The following FBLN7 variants were observed in gnomAD, a reference collection of about 807,000 sequenced individuals.
FBLN7 encodes the protein fibulin-7.
In FBLN7, 31 loss-of-function variants were observed where a neutral mutation model predicts 44.0. The ratio of observed to expected loss-of-function variants is 0.70; its 90% CI spans 0.53 to 0.95. FBLN7 has a LOEUF of 0.95. Among genes scored for constraint, FBLN7 ranks in the 40% least tolerant of loss-of-function variants. The pLI is 0.00. For synonymous variants in FBLN7, 262 were observed against 253.4 expected (o/e 1.03, Z -0.32); for missense variants, 573 against 618.5 (o/e 0.93, Z 0.78).
chr2:112,205,095 A>C, the FBLN7 span, among the ~76,000 whole-genome samples: 2 of 152,172 alleles, frequency 1.3e-5, no homozygotes, highest in East Asian at 3.8e-4. Context: ...ACTGTCTACT[A>C]TAGAAATTAA....
intron 1 of FBLN7, among the ~76,000 whole-genome samples, chr2:112,150,154 T>A (rs1488571166): frequency 6.6e-6 from 1 of 152,164 alleles, no homozygotes; most frequent in Non-Finnish European, 1.5e-5. Flanking sequence ...CCTCTGGACC[T>A]TAGATGGAAG....
At chr2:112,156,032 G>A (rs573290942) in intron 1 of FBLN7, among the ~76,000 whole-genome samples, 25 of 152,344 alleles carry the variant, frequency 1.6e-4, no homozygotes, top group African/African-American at 6.0e-4. Context: ...TGGCCAGCTC[G>A]TAGCGCAGGA....
chr2:112,238,566 C>A, the FBLN7 span: 1 of 1,532,930 alleles, frequency 6.5e-7, no homozygotes, highest in Non-Finnish European at 8.8e-7. Context: ...AAAAACCTAG[C>A]ATGATTCAAA....
chr2:112,157,666 C>T (rs890115319), intron 1 of FBLN7, among the ~76,000 whole-genome samples: 6 of 152,154 alleles, frequency 3.9e-5, no homozygotes, highest in African/African-American at 1.4e-4. Flanking sequence ...ACTCTGTCAC[C>T]AAAGCTGAGT....
chr2:112,204,283 A>G, the FBLN7 span, among the ~76,000 whole-genome samples: 3 of 152,016 alleles, frequency 2.0e-5, no homozygotes, highest in African/African-American at 7.2e-5. Context: ...CAAAAAAAAA[A>G]AAAGAAAAAC....
At chr2:112,210,274 A>G in the FBLN7 span, among the ~76,000 whole-genome samples, 1 of 152,084 alleles carries the variant, frequency 6.6e-6, no homozygotes, top group African/African-American at 2.4e-5. Context: ...TGCAGTGGCG[A>G]TGGAGATCGT....
At chr2:112,146,451 T>C (rs1047051358) in intron 1 of FBLN7, among the ~76,000 whole-genome samples, 2 of 152,230 alleles carry the variant, frequency 1.3e-5, no homozygotes, top group Non-Finnish European at 2.9e-5. Flanking sequence ...GAACACAAAA[T>C]GTCTTTCTAC....
At chr2:112,143,987 G>T (rs991592610) in intron 1 of FBLN7, among the ~76,000 whole-genome samples, 1 of 152,012 alleles carries the variant, frequency 6.6e-6, no homozygotes, top group Non-Finnish European at 1.5e-5. Flanking sequence ...TGTGGCTGCA[G>T]CATTTACCCC....
At chr2:112,185,363 A>G (rs775711896) in intron 7 of FBLN7, 24 bp downstream of exon 7, 10 of 1,602,296 alleles carry the variant, frequency 6.2e-6, no homozygotes, top group South Asian at 3.3e-5. Context: ...GGGGAGGCAC[A>G]CCCTCACCCA....
At chr2:112,146,056 C>T (rs932075664) in intron 1 of FBLN7, among the ~76,000 whole-genome samples, 1 of 152,248 alleles carries the variant, frequency 6.6e-6, no homozygotes, top group Non-Finnish European at 1.5e-5. Context: ...CACTGTGGCT[C>T]ACGCCTGTAA....
At chr2:112,185,048 C>T (rs748080559) in intron 6 of FBLN7, among the ~76,000 whole-genome samples, 153 bp from the exon 7 acceptor site, 29 of 151,934 alleles carry the variant, frequency 1.9e-4, no homozygotes, top group Non-Finnish European at 8.8e-5. Flanking sequence ...CCTGATTCCA[C>T]ACAGTTAAGG....
At chr2:112,229,981 A>G in the FBLN7 span, among the ~76,000 whole-genome samples, 35 of 152,002 alleles carry the variant, frequency 2.3e-4, no homozygotes, top group Non-Finnish European at 4.4e-4. Flanking sequence ...CGTCCACAAA[A>G]TGGGAGAAGG....
chr2:112,197,274 C>CACAGAGAG, the FBLN7 span, among the ~76,000 whole-genome samples: 384 of 98,614 alleles, frequency 3.9e-3, 1 homozygote, highest in Non-Finnish European at 6.7e-3. Flanking sequence ...CACACACACA[C>CACAGAGAG]AGAGAGAGAG....
chr2:112,161,189 A>G (rs1302046867), intron 2 of FBLN7, among the ~76,000 whole-genome samples: 1 of 152,168 alleles, frequency 6.6e-6, no homozygotes, highest in Non-Finnish European at 1.5e-5. Context: ...GGGGCCAGTC[A>G]TCATGTTCAT....
intron 3 of FBLN7, among the ~76,000 whole-genome samples, chr2:112,174,360 G>C (rs554669026): frequency 1.7e-3 from 262 of 152,294 alleles, no homozygotes; most frequent in Admixed American, 3.0e-3. Context: ...GCATTCGGGT[G>C]GTCTGTCTTT....
the FBLN7 span, among the ~76,000 whole-genome samples, chr2:112,211,369 A>T: frequency 1.3e-5 from 2 of 152,200 alleles, no homozygotes; most frequent in African/African-American, 4.8e-5. Flanking sequence ...AGGAGGAATT[A>T]TGTAGGTCGT....
chr2:112,175,075 A>G (rs1246115815), intron 3 of FBLN7, among the ~76,000 whole-genome samples: 4 of 152,352 alleles, frequency 2.6e-5, no homozygotes, highest in African/African-American at 9.6e-5. Context: ...CCTTTTCCAC[A>G]GAAGTGTCGT....
chr2:112,164,632 C>T lies in FBLN7; in HGVS notation c.236-369C>T, dbSNP rs74707707. The stretch of plus-strand genomic sequence containing the variant: ...CCAGGCCTGGAGCTGGGGCTGAGCC[C>T]GGCCTGTTCAGGAGACCTAAAGAAA... On this transcript the variant is annotated intron_variant, in intron 2 of 7. Coordinates refer to ENST00000331203, the MANE Select transcript of FBLN7 (RefSeq NM_153214.3). 5.2e-3 allele frequency among the ~76,000 whole-genome samples: 786 copies of T among 152,330 alleles called. 4 individuals carry two copies. The highest frequency in any genetic ancestry group is 6.5e-3 in the Non-Finnish European group (440 of 68,044).
chr2:112,138,535 C>T lies in FBLN7; in HGVS notation c.-121C>T, dbSNP rs144500920. On this transcript the variant is annotated 5_prime_UTR_variant, in exon 1 of 8. Transcript: ENST00000331203. ...CCTCCCGCCTCCCCCCCTGCCCCAG[C>T]CGCCCCCCGGCCGCGCGGCGCCCCG... The T allele has an allele frequency of 0.089, 122,251 of 1,379,180 alleles. 6,466 individuals are homozygous for T. The highest frequency in any genetic ancestry group is 0.19 in the South Asian group (14,649 of 76,730). The allele number at this position is 1,379,180 out of a possible 1,614,324, so 85.4% of individuals were successfully genotyped here. A position where few individuals can be genotyped will look rare whatever the true frequency, so the allele number is the denominator to read the frequency against.
Sources: allele counts gnomAD v4.1 joint callset (sites outside exome capture counted in the v4.1 genomes callset), GRCh38; gene constraint gnomAD v4.1.1; transcripts MANE v1.5; gene names NCBI Gene and HGNC (gene_info 2026-07-23, HGNC 2026-07-21).